TMEM117: variants seen among roughly 807,000 people sequenced by gnomAD.
TMEM117 encodes transmembrane protein 117.
A neutral mutation model predicts 52.4 loss-of-function variants in TMEM117; 27 were observed. The observed-to-expected ratio is 0.51, with a 90% CI of 0.38 to 0.71. TMEM117 has a LOEUF of 0.71. TMEM117 is among the 30% of genes least tolerant of loss of function. The pLI is 0.00. For synonymous variants in TMEM117, 215 were observed against 206.3 expected (o/e 1.04, Z -0.36); for missense variants, 556 against 630.5 (o/e 0.88, Z 1.26).
chr12:44,051,893 A>G (rs1946978835), intron 3 of TMEM117, among the ~76,000 whole-genome samples: 1 of 152,146 alleles, frequency 6.6e-6, no homozygotes, highest in African/African-American at 2.4e-5. Context: ...GATTTTAAAA[A>G]CCTGTATGCA....
At chr12:44,054,793 C>G (rs768790134) in intron 3 of TMEM117, among the ~76,000 whole-genome samples, 1 of 150,356 alleles carries the variant, frequency 6.7e-6, no homozygotes, top group Non-Finnish European at 1.5e-5. Context: ...GCACAACATG[C>G]AGGTTTGTTA....
At chr12:43,806,046 G>A in the TMEM117 span, 1 of 1,519,356 alleles carries the variant, frequency 6.6e-7, no homozygotes, top group East Asian at 2.5e-5. Flanking sequence ...GGAGGACGCA[G>A]GCCGGCAGCG....
chr12:44,108,283 C>A (rs555259926), intron 3 of TMEM117, among the ~76,000 whole-genome samples: 4 of 145,528 alleles, frequency 2.7e-5, no homozygotes, highest in Non-Finnish European at 6.0e-5. Flanking sequence ...TATACATGTG[C>A]CATGCTGGTG....
chr12:44,152,697 A>T (rs575976526), intron 4 of TMEM117, among the ~76,000 whole-genome samples: 1,856 of 134,278 alleles, frequency 0.014, 46 homozygotes, highest in African/African-American at 0.049. Flanking sequence ...ATTTATATAT[A>T]AATTTTTATA....
intron 4 of TMEM117, among the ~76,000 whole-genome samples, chr12:44,199,298 C>G (rs146531950): frequency 7.2e-5 from 11 of 152,142 alleles, no homozygotes. Flanking sequence ...AATTCAGTAT[C>G]TTTCCATCCT....
chr12:43,803,553 T>C, the TMEM117 span, among the ~76,000 whole-genome samples: 82 of 152,220 alleles, frequency 5.4e-4, no homozygotes, highest in Non-Finnish European at 9.4e-4. Context: ...AAATAATAAC[T>C]TAGGAAGTAG....
upstream of TMEM117, chr12:43,835,833 G>A (rs1046274423): frequency 7.9e-5 from 12 of 152,142 alleles, no homozygotes; most frequent in Admixed American, 1.3e-4. Flanking sequence ...GAGTCAGCCC[G>A]TGGTGCGGGC....
intron 5 of TMEM117, among the ~76,000 whole-genome samples, chr12:44,236,498 T>C (rs1409611692): frequency 6.6e-6 from 1 of 152,160 alleles, no homozygotes; most frequent in African/African-American, 2.4e-5. Context: ...ATCTCCTTCT[T>C]GAAATTTTAA....
intron 4 of TMEM117, among the ~76,000 whole-genome samples, chr12:44,172,486 G>A (rs926415864): frequency 1.3e-5 from 2 of 152,004 alleles, no homozygotes; most frequent in East Asian, 3.9e-4. Context: ...TTTCTGAATC[G>A]CTCTCCTCTT....
At chr12:44,359,220 G>A (rs1408554218) in intron 6 of TMEM117, among the ~76,000 whole-genome samples, 5 of 150,802 alleles carry the variant, frequency 3.3e-5, no homozygotes, top group South Asian at 2.1e-4. Context: ...AAAAAAAAAA[G>A]TAAAAGAATT....
chr12:44,122,529 C>A (rs1047317160), intron 3 of TMEM117, among the ~76,000 whole-genome samples: 1 of 152,126 alleles, frequency 6.6e-6, no homozygotes, highest in Non-Finnish European at 1.5e-5. Context: ...GCCCAGCATC[C>A]ATTAGCTATT....
chr12:43,910,235 G>C (rs1184241243), intron 2 of TMEM117, among the ~76,000 whole-genome samples: 3 of 151,844 alleles, frequency 2.0e-5, no homozygotes, highest in Admixed American at 6.6e-5. Flanking sequence ...CAGAACCAAA[G>C]CCAAAAACCA....
intron 1 of TMEM117, among the ~76,000 whole-genome samples, chr12:43,840,730 A>T (rs993281836): frequency 6.6e-6 from 1 of 152,224 alleles, no homozygotes; most frequent in Non-Finnish European, 1.5e-5. Context: ...ACATACATAG[A>T]TAATTTCACT....
At chr12:43,893,050 G>A (rs1364547986) in intron 2 of TMEM117, among the ~76,000 whole-genome samples, 4 of 152,218 alleles carry the variant, frequency 2.6e-5, no homozygotes. Context: ...TAGCTGGAGT[G>A]CAGTGTGGAA....
At chr12:44,253,871 CA>C (rs1181062525) in intron 5 of TMEM117, among the ~76,000 whole-genome samples, 7 of 150,052 alleles carry the variant, frequency 4.7e-5, no homozygotes, top group African/African-American at 1.7e-4. Flanking sequence ...CACACACACA[CA>C]CACACCTTCT....
At chr12:44,374,650 GTGTGTA>G (rs764181613) in intron 6 of TMEM117, among the ~76,000 whole-genome samples, 2 of 144,212 alleles carry the variant, frequency 1.4e-5, no homozygotes, top group African/African-American at 2.5e-5. Context: ...GTGTGTGTGT[GTGTGTA>G]TGTGTGTGTA....
chr12:44,212,609 G>A (rs914990999), intron 5 of TMEM117, among the ~76,000 whole-genome samples: 2 of 152,114 alleles, frequency 1.3e-5, no homozygotes, highest in Non-Finnish European at 2.9e-5. Flanking sequence ...TTTGTGCATA[G>A]GATATATAGG....
intron 5 of TMEM117, among the ~76,000 whole-genome samples, chr12:44,265,654 A>G (rs2138552253): frequency 6.6e-6 from 1 of 152,270 alleles, no homozygotes; most frequent in South Asian, 2.1e-4. Context: ...ACAATTTAGT[A>G]GCATTTAGGG....
At chr12:44,041,092 G>T (rs1309730789) in intron 3 of TMEM117, among the ~76,000 whole-genome samples, 1 of 152,128 alleles carries the variant, frequency 6.6e-6, no homozygotes, top group Non-Finnish European at 1.5e-5. Flanking sequence ...AAAATACATA[G>T]TATTCTTTTT....
Sources: gnomAD v4.1 joint callset for allele counts (sites outside exome capture counted in the v4.1 genomes callset) on GRCh38, gnomAD v4.1.1 for gene constraint, MANE v1.5 for transcripts, NCBI Gene and HGNC (gene_info 2026-07-23, HGNC 2026-07-21) for gene names.